ST8SIA6: variants seen among roughly 807,000 people sequenced by gnomAD.
The protein encoded by ST8SIA6 is ST8 alpha-N-acetyl-neuraminide alpha-2,8-sialyltransferase 6.
In ST8SIA6, 39 loss-of-function variants were observed where a neutral mutation model predicts 33.6. The observed-to-expected ratio is 1.16, with a 90% CI of 0.90 to 1.52. The LOEUF (loss-of-function observed/expected upper bound fraction) is 1.52, where lower values mean the gene tolerates loss of function less well. Among genes scored for constraint, ST8SIA6 ranks in the 40% most tolerant of loss-of-function variants. The probability of loss-of-function intolerance (pLI) is 0.00; values close to 1 mark genes in which losing one functional copy is unlikely to be tolerated. For synonymous variants in ST8SIA6, 172 were observed against 167.2 expected, an observed-to-expected ratio of 1.03 and a Z score of -0.22; for missense variants, 441 against 443.8, an observed-to-expected ratio of 0.99 and a Z score of 0.06.
In ST8SIA6 at chr10:17,319,198, A is replaced by G. The variant is rs1208471659; in HGVS notation, c.*1680T>C. Among the ~76,000 whole-genome samples, 1 of 152,228 alleles carries G rather than the reference A, an allele frequency of 6.6e-6. No individual in the cohort carries two copies. The highest frequency in any genetic ancestry group is 2.4e-5 in the African/African-American group (1 of 41,464). On this transcript the variant is annotated 3_prime_UTR_variant, in exon 8 of 8. Coordinates refer to ENST00000377602, the MANE Select transcript of ST8SIA6 (RefSeq NM_001004470.3). ...ATAATACACCACATCAGCTATGTAA[A>G]TCATAAAACATGCGTCACAGTTCTT...
chr10:17,413,245 ACTT>A (rs1851507657), intron 2 of ST8SIA6: 1 of 150,090 alleles, frequency 6.7e-6, no homozygotes, highest in Non-Finnish European at 1.5e-5. Context: ...TAGTTCAACT[ACTT>A]ATTATCTTTT....
chr10:17,352,950 C>A (rs12255005), intron 4 of ST8SIA6, among the ~76,000 whole-genome samples: 7,178 of 152,076 alleles, frequency 0.047, 407 homozygotes, highest in African/African-American at 0.13. Context: ...TCATAAAGTA[C>A]ACACTTCTTA....
intron 3 of ST8SIA6, among the ~76,000 whole-genome samples, chr10:17,361,676 G>A (rs1211869264): frequency 6.7e-6 from 1 of 149,056 alleles, no homozygotes; most frequent in East Asian, 2.0e-4. Context: ...ATGAGAACAG[G>A]GTTACCCTGA....
At chr10:17,332,035 T>C (rs527979059) in intron 4 of ST8SIA6, among the ~76,000 whole-genome samples, 79 of 152,314 alleles carry the variant, frequency 5.2e-4, no homozygotes, top group African/African-American at 1.9e-3. Flanking sequence ...AGTAAGAACA[T>C]GTGGTGTGTT....
At chr10:17,385,846 G>A (rs764769989) in intron 3 of ST8SIA6, among the ~76,000 whole-genome samples, 7 of 152,080 alleles carry the variant, frequency 4.6e-5, no homozygotes, top group Non-Finnish European at 7.4e-5. Flanking sequence ...GCTGTGTCAC[G>A]GGCGCATTCT....
chr10:17,326,682 C>T (rs1190313418), intron 6 of ST8SIA6, among the ~76,000 whole-genome samples: 1 of 152,140 alleles, frequency 6.6e-6, no homozygotes, highest in East Asian at 1.9e-4. Context: ...GTCAGGTGAG[C>T]CTGAGACATG....
At chr10:17,353,342 T>C (rs1849092972) in intron 4 of ST8SIA6, among the ~76,000 whole-genome samples, 1 of 152,208 alleles carries the variant, frequency 6.6e-6, no homozygotes, top group African/African-American at 2.4e-5. Context: ...CCATCTCTTT[T>C]CATAGTTTAT....
At chr10:17,367,845 T>C (rs535523539) in intron 3 of ST8SIA6, among the ~76,000 whole-genome samples, 1 of 152,154 alleles carries the variant, frequency 6.6e-6, no homozygotes, top group South Asian at 2.1e-4. Flanking sequence ...CAAGCATGCA[T>C]AAAACACCTG....
chr10:17,387,674 T>G (rs994034694), intron 3 of ST8SIA6, among the ~76,000 whole-genome samples: 13 of 152,164 alleles, frequency 8.5e-5, no homozygotes, highest in African/African-American at 2.9e-4. Context: ...TCTTAGCCAG[T>G]ATCAAGCTTT....
chr10:17,377,722 A>G (rs1849964584), intron 3 of ST8SIA6, among the ~76,000 whole-genome samples: 1 of 152,234 alleles, frequency 6.6e-6, no homozygotes, highest in Non-Finnish European at 1.5e-5. Context: ...CATCTTTCTA[A>G]ATCCTATTTT....
intron 4 of ST8SIA6, among the ~76,000 whole-genome samples, chr10:17,356,837 A>G (rs1489290782): frequency 6.6e-6 from 1 of 151,892 alleles, no homozygotes; most frequent in Non-Finnish European, 1.5e-5. Context: ...TACAGATTCT[A>G]TACCTCATAA....
At chr10:17,434,731 G>A (rs774827762) in intron 2 of ST8SIA6, among the ~76,000 whole-genome samples, 53 of 150,746 alleles carry the variant, frequency 3.5e-4, no homozygotes, top group Admixed American at 4.6e-4. Flanking sequence ...TAGGTGTTGG[G>A]AGGACACACA....
At chr10:17,422,132 C>T (rs969520896) in intron 2 of ST8SIA6, among the ~76,000 whole-genome samples, 1 of 151,986 alleles carries the variant, frequency 6.6e-6, no homozygotes, top group Non-Finnish European at 1.5e-5. Context: ...ATCAAGAGAA[C>T]AATCTTTAAG....
At chr10:17,452,269 A>C (rs533107910) in intron 2 of ST8SIA6, among the ~76,000 whole-genome samples, 18 of 152,312 alleles carry the variant, frequency 1.2e-4, no homozygotes, top group African/African-American at 4.3e-4. Flanking sequence ...GTGTTCCTCA[A>C]TTCAGGGTTT....
chr10:17,425,916 C>A (rs958357619), intron 2 of ST8SIA6, among the ~76,000 whole-genome samples: 1 of 152,156 alleles, frequency 6.6e-6, no homozygotes, highest in African/African-American at 2.4e-5. Context: ...GCCTCAAATG[C>A]CCTAACTGCA....
At chr10:17,447,833 G>T (rs76301736) in intron 2 of ST8SIA6, among the ~76,000 whole-genome samples, 2 of 151,688 alleles carry the variant, frequency 1.3e-5, no homozygotes, top group African/African-American at 4.8e-5. Context: ...ATTTTTTTTT[G>T]AGATAGAGTC....
At chr10:17,449,266 T>C (rs142498220) in intron 2 of ST8SIA6, among the ~76,000 whole-genome samples, 3 of 151,820 alleles carry the variant, frequency 2.0e-5, no homozygotes, top group African/African-American at 4.8e-5. Context: ...ACAAAGGAAA[T>C]AGAACATGAA....
intron 2 of ST8SIA6, among the ~76,000 whole-genome samples, chr10:17,391,003 C>T (rs1356354438): frequency 6.6e-6 from 1 of 151,516 alleles, no homozygotes; most frequent in Non-Finnish European, 1.5e-5. Flanking sequence ...GGATTATAGG[C>T]GCCTGCCATC....
intron 4 of ST8SIA6, among the ~76,000 whole-genome samples, chr10:17,345,899 C>T (rs1848816900): frequency 6.6e-6 from 1 of 152,206 alleles, no homozygotes; most frequent in Non-Finnish European, 1.5e-5. Flanking sequence ...TCTCTCCCTA[C>T]ATGCACATGA....
Sources: allele counts gnomAD v4.1 joint callset (sites outside exome capture counted in the v4.1 genomes callset), GRCh38; gene constraint gnomAD v4.1.1; transcripts MANE v1.5; gene names NCBI Gene and HGNC (gene_info 2026-07-23, HGNC 2026-07-21).